PNPLA1: variants seen among roughly 807,000 people sequenced by gnomAD.
The protein encoded by PNPLA1 is patatin like domain 1, omega-hydroxyceramide transacylase, also known as omega-hydroxyceramide transacylase.
In PNPLA1, 36 loss-of-function variants were observed where a neutral mutation model predicts 51.7. The ratio of observed to expected loss-of-function variants is 0.70; its 90% CI spans 0.53 to 0.92. The LOEUF is 0.92. PNPLA1 is among the 40% of genes least tolerant of loss of function. The pLI is 0.00. For synonymous variants in PNPLA1, 293 were observed against 280.1 expected, an observed-to-expected ratio of 1.05 and a Z score of -0.46; for missense variants, 658 against 682.5, an observed-to-expected ratio of 0.96 and a Z score of 0.40.
At position 36,294,418 on chromosome 6, in the gene PNPLA1, C is replaced by G; in HGVS notation, c.714+19C>G. ...CCTGGTGGTGAGAGGCAGGAGGGGTCTGGGGAGTAGCAGAAGGTACCAGGG... is the reference window on the plus strand; with the variant it reads ...CCTGGTGGTGAGAGGCAGGAGGGGTGTGGGGAGTAGCAGAAGGTACCAGGG... On this transcript the variant is annotated intron_variant, in intron 4 of 8. Coordinates refer to ENST00000636260, the MANE Select transcript of PNPLA1 (RefSeq NM_001374623.1). This position sits in a 1 kb window ranked among gnomAD's most constrained non-coding sequence, Gnocchi z 4.2. 1 of 1,608,290 alleles carries G rather than the reference C, an allele frequency of 6.2e-7. No homozygotes were observed.
chr6:36,273,884 G>T (rs903834296), intron 1 of PNPLA1, among the ~76,000 whole-genome samples: 1 of 152,078 alleles, frequency 6.6e-6, no homozygotes, highest in Admixed American at 6.6e-5. Flanking sequence ...CCTGTAAAAA[G>T]GACATCAAGC....
chr6:36,303,381 C>T (rs1027706953), intron 6 of PNPLA1, among the ~76,000 whole-genome samples: 4 of 152,218 alleles, frequency 2.6e-5, no homozygotes, highest in South Asian at 2.1e-4. Context: ...GCGTGAGCCA[C>T]CGCGCCCAGC....
chr6:36,259,481 A>G (rs1055483501), intron 1 of PNPLA1, among the ~76,000 whole-genome samples: 11 of 152,114 alleles, frequency 7.2e-5, no homozygotes, highest in Admixed American at 2.6e-4. Context: ...CCACCACACA[A>G]TGGTTTTCAC....
At position 36,293,469 on chromosome 6, in the gene PNPLA1, G is replaced by T. The variant is rs183402835; in HGVS notation, c.504+343G>T. Among the ~76,000 whole-genome samples the T allele has an allele frequency of 6.8e-3, 1,039 of 152,176 alleles. 10 individuals carry two copies. Among genetic ancestry groups the T allele is most frequent in the African/African-American group, 0.023 (949 of 41,430 alleles). The stretch of plus-strand genomic sequence containing the variant: ...CTCAAATGATGAGGATGTTTTCTGA[G>T]GCCTGTAGGCCAGGGCCTTACAGAC... On this transcript the variant is annotated intron_variant, in intron 3 of 8. Coordinates refer to ENST00000636260, the MANE Select transcript of PNPLA1 (RefSeq NM_001374623.1).
intron 1 of PNPLA1, among the ~76,000 whole-genome samples, chr6:36,253,701 A>T (rs1368793493): frequency 6.6e-6 from 1 of 152,060 alleles, no homozygotes; most frequent in Admixed American, 6.6e-5. Flanking sequence ...CTGGTCTCAA[A>T]CTCCTGGCCT....
upstream of PNPLA1, among the ~76,000 whole-genome samples, chr6:36,268,529 C>A (rs1206551697): frequency 6.6e-6 from 1 of 152,136 alleles, no homozygotes; most frequent in African/African-American, 2.4e-5. Flanking sequence ...TCTTGCTGCT[C>A]CTCGACCAGT....
intron 1 of PNPLA1, among the ~76,000 whole-genome samples, chr6:36,250,657 T>C (rs900622530): frequency 6.6e-6 from 1 of 152,214 alleles, no homozygotes; most frequent in Non-Finnish European, 1.5e-5. Context: ...TAAGGTTTTA[T>C]AGTCTACTCA....
chr6:36,279,666 G>A (rs1770218139), intron 1 of PNPLA1, among the ~76,000 whole-genome samples: 1 of 152,134 alleles, frequency 6.6e-6, no homozygotes, highest in Non-Finnish European at 1.5e-5. Context: ...CTCGCCCTTG[G>A]TTTTGCCATC....
At chr6:36,279,481 C>T (rs1430775877) in intron 1 of PNPLA1, among the ~76,000 whole-genome samples, 3 of 152,174 alleles carry the variant, frequency 2.0e-5, no homozygotes, top group Non-Finnish European at 2.9e-5. Context: ...TTGAGAACCT[C>T]GCTTTAGTAA....
intron 1 of PNPLA1, among the ~76,000 whole-genome samples, chr6:36,260,402 T>C (rs989768380): frequency 9.9e-5 from 15 of 152,196 alleles, no homozygotes; most frequent in Admixed American, 7.2e-4. Flanking sequence ...TTGAGAAATA[T>C]ATGGAAAAAG....
chr6:36,246,932 C>T (rs1194668185), intron 1 of PNPLA1, among the ~76,000 whole-genome samples: 1 of 152,088 alleles, frequency 6.6e-6, no homozygotes, highest in Non-Finnish European at 1.5e-5. Context: ...TCAGGACCAG[C>T]CTCCCCGCGC....
In PNPLA1 at chr6:36,270,530, T is replaced by A; in HGVS notation, c.71T>A (p.Leu24His). 1 of 1,551,580 alleles carries A rather than the reference T, an allele frequency of 6.4e-7. No individual in the cohort carries two copies. The highest frequency in any genetic ancestry group is 1.2e-5 in the South Asian group (1 of 84,062). ...HSISFSGSGFLSFYQAGAVDA... is the reference protein window; with the variant it reads ...HSISFSGSGFHSFYQAGAVDA... Reference sequence around the variant, plus strand: ...ATCTCCTTCTCGGGCAGTGGATTCCTCTCCTTCTACCAGGCGGGGGCTGTG... The same window carrying A: ...ATCTCCTTCTCGGGCAGTGGATTCCACTCCTTCTACCAGGCGGGGGCTGTG... Residue 24 changes from leucine (L) to histidine (H), a missense_variant, in exon 1 of 9, where the codon CTC (leucine) becomes CAC (histidine). Physicochemically the swap from Leu to His is moderately conservative, Grantham distance 99. Coordinates refer to ENST00000636260, the MANE Select transcript of PNPLA1 (RefSeq NM_001374623.1).
intron 5 of PNPLA1, among the ~76,000 whole-genome samples, chr6:36,300,922 A>T (rs1372579171): frequency 6.6e-6 from 1 of 152,204 alleles, no homozygotes; most frequent in African/African-American, 2.4e-5. Flanking sequence ...ATATATGTTT[A>T]TATCAGTATG....
chr6:36,279,423 T>A (rs1561857970), intron 1 of PNPLA1, among the ~76,000 whole-genome samples: 3 of 152,206 alleles, frequency 2.0e-5, no homozygotes. Flanking sequence ...TGGCTCAAGG[T>A]GTATTCTGGT....
rs746278253 is a variant in PNPLA1 at position 36,294,245 on chromosome 6, C to T, written c.560C>T (p.Ala187Val). 3 of 1,614,224 alleles carry T rather than the reference C, an allele frequency of 1.9e-6. No homozygotes were observed. Among genetic ancestry groups the T allele is most frequent in the South Asian group, 1.1e-5 (1 of 91,090 alleles). The change falls in exon 4 of 9, where the codon GCC becomes GTC. Residue 187 changes from alanine to valine, a missense_variant. By Grantham distance (64) the Ala-to-Val change is moderately conservative. Coordinates refer to ENST00000636260, the MANE Select transcript of PNPLA1 (RefSeq NM_001374623.1). The surrounding 1 kb of genome is among the most constrained non-coding windows in gnomAD (Gnocchi z 4.2). ...CAGCCCTGTGCCTTCTGGACCGACG[C>T]CATCACCATCTCCACCTTCAGTGGG... Reference protein sequence around the residue: ...GMQPCAFWTDAITISTFSGQQ... With the variant: ...GMQPCAFWTDVITISTFSGQQ...
chr6:36,287,121 T>C (rs1431256562), intron 1 of PNPLA1, among the ~76,000 whole-genome samples: 2 of 152,228 alleles, frequency 1.3e-5, no homozygotes, highest in African/African-American at 2.4e-5. Context: ...TTCAAGCTTT[T>C]ATTGGGTAAT....
In PNPLA1 at chr6:36,294,304, A is replaced by G. The variant is rs1158789000; in HGVS notation, c.619A>G (p.Ile207Val). ...QDICPRDCPA[I>V]FHDFRMFNCS... ...CATCTGTCCCCGGGACTGCCCGGCC[A>G]TCTTCCACGACTTCCGCATGTTCAA... Residue 207 changes from isoleucine to valine, a missense_variant, in exon 4 of 9, where the codon ATC becomes GTC. By Grantham distance (29) the Ile-to-Val change is conservative (BLOSUM62 3). Coordinates refer to ENST00000636260, the MANE Select transcript of PNPLA1 (RefSeq NM_001374623.1). The surrounding 1 kb of genome is among the most constrained non-coding windows in gnomAD (Gnocchi z 4.2). The G allele has an allele frequency of 1.2e-6, 2 of 1,614,186 alleles. No individual in the cohort carries two copies. The highest frequency in any genetic ancestry group is 1.7e-5 in the Admixed American group (1 of 60,034).
At chr6:36,290,181 C>T (rs1231133134) in intron 1 of PNPLA1, among the ~76,000 whole-genome samples, 3 of 152,230 alleles carry the variant, frequency 2.0e-5, no homozygotes, top group African/African-American at 4.8e-5. Flanking sequence ...CTACATGACA[C>T]TAACCATAAG....
chr6:36,258,871 A>G (rs928799996), intron 1 of PNPLA1, among the ~76,000 whole-genome samples: 3 of 152,174 alleles, frequency 2.0e-5, no homozygotes, highest in Admixed American at 2.0e-4. Flanking sequence ...GCTTATCCCA[A>G]TCTCACCTGC....
Sources: allele counts gnomAD v4.1 joint callset (sites outside exome capture counted in the v4.1 genomes callset), GRCh38; gene constraint gnomAD v4.1.1; non-coding constraint Gnocchi (gnomAD v3.1); transcripts MANE v1.5; gene names NCBI Gene and HGNC (gene_info 2026-07-23, HGNC 2026-07-21).